PTGS1: variants seen among roughly 807,000 people sequenced by gnomAD.
PTGS1 encodes prostaglandin G/H synthase 1.
A neutral mutation model predicts 63.0 loss-of-function variants in PTGS1; 40 were observed. The observed-to-expected ratio is 0.63, with a 90% CI of 0.49 to 0.83. PTGS1 has a LOEUF of 0.83. Among genes scored for constraint, PTGS1 ranks in the 40% least tolerant of loss-of-function variants. The probability of loss-of-function intolerance (pLI) is 0.00; values close to 1 mark genes in which losing one functional copy is unlikely to be tolerated. For missense variants in PTGS1, 709 were observed against 786.5 expected (o/e 0.90, Z 1.18); for synonymous variants, 298 against 301.9 (o/e 0.99, Z 0.13).
chr9:122,375,441 G>A (rs1837077949), intron 2 of PTGS1: 1 of 985,444 alleles, frequency 1.0e-6, no homozygotes, highest in African/African-American at 1.7e-5. Flanking sequence ...TGGTCAGGCT[G>A]GAGGTGACCA....
In PTGS1 at chr9:122,371,226, C is replaced by T. The variant is rs151185638; in HGVS notation, c.48C>T (p.Leu16=). ...GGTTCTTGCTGTTCCTGCTCCTGCTCCCGCCGCTCCCCGTCCTGCTCGCGG... is the reference window on the plus strand; with the variant it reads ...GGTTCTTGCTGTTCCTGCTCCTGCTTCCGCCGCTCCCCGTCCTGCTCGCGG... The part of the protein sequence containing the change: ...LLWFLLFLLL[L]PPLPVLLADP... The change falls in exon 2 of 11, where the codon CTC becomes CTT. Residue 16 remains leucine (L), a synonymous_variant. Transcript: ENST00000362012. The T allele has an allele frequency of 7.5e-5, 120 of 1,607,672 alleles. No homozygotes were observed. Among genetic ancestry groups the T allele is most frequent in the Non-Finnish European group, 8.8e-5 (104 of 1,179,454 alleles).
chr9:122,376,344 TTGTGTGTG>T lies in PTGS1; in HGVS notation c.95-1517_95-1510del, dbSNP rs57350981. ...TTTGCATGATTCTTGTGGTCCTTGC[TTGTGTGTG>T]TGTGTGTGTGTGTGTGTGTGTGTGT... On this transcript the variant is annotated intron_variant, in intron 2 of 10. Coordinates refer to ENST00000362012, the MANE Select transcript of PTGS1 (RefSeq NM_000962.4). Among the ~76,000 whole-genome samples, 1,179 of 127,046 alleles carry T rather than the reference TTGTGTGTG, an allele frequency of 9.3e-3. 9 individuals carry two copies. The highest frequency in any genetic ancestry group is 0.029 in the African/African-American group (1,000 of 35,038). 83.3% of individuals were successfully genotyped at this position (127,046 alleles called of 152,430 possible). A position where few individuals can be genotyped will look rare whatever the true frequency, so the allele number is the denominator to read the frequency against.
In PTGS1 at chr9:122,392,477, C is replaced by T. The variant is rs267602117; in HGVS notation, c.1733C>T (p.Ser578Phe). 1.2e-6 allele frequency: 2 copies of T among 1,614,184 alleles called. No homozygotes were observed. The highest frequency in any genetic ancestry group is 1.7e-5 in the Admixed American group (1 of 60,024). ...AACACCAAGACCTGTCCCTACGTTTCCTTCCGTGTGCCGGATGCCAGTCAG... is the reference window on the plus strand; with the variant it reads ...AACACCAAGACCTGTCCCTACGTTTTCTTCCGTGTGCCGGATGCCAGTCAG... Reference protein sequence around the residue: ...CLNTKTCPYVSFRVPDASQDD... With the variant: ...CLNTKTCPYVFFRVPDASQDD... The change falls in exon 11 of 11, where the codon TCC (serine) becomes TTC (phenylalanine). Residue 578 changes from serine to phenylalanine, a missense_variant. Physicochemically the swap from Ser to Phe is radical, Grantham distance 155. Coordinates refer to ENST00000362012, the MANE Select transcript of PTGS1 (RefSeq NM_000962.4).
Position 122,378,413 on chromosome 9 carries a change from G to T in PTGS1, c.212-20G>T. 1 of 1,612,174 alleles carries T rather than the reference G, an allele frequency of 6.2e-7. No homozygotes were observed. On this transcript the variant is annotated intron_variant, in intron 3 of 10. Transcript: ENST00000362012. ...TTCTGGTAGGAGGGACCAACTGAGT[G>T]ACTGCCATTGCCCCTGCAGCTGGCC...
chr9:122,370,743 TC>T, upstream of PTGS1: 1 of 526,322 alleles, frequency 1.9e-6, no homozygotes, highest in South Asian at 3.0e-5. Flanking sequence ...GCCGCTTCCA[TC>T]CCCAGTTCTG....
chr9:122,388,297 A>C (rs1428932905), intron 9 of PTGS1, among the ~76,000 whole-genome samples: 1 of 152,004 alleles, frequency 6.6e-6, no homozygotes, highest in Non-Finnish European at 1.5e-5. Flanking sequence ...CTGCCCGCCT[A>C]GGCCTCTCAA....
At position 122,378,519 on chromosome 9, in the gene PTGS1, G is replaced by C; in HGVS notation, c.298G>C (p.Glu100Gln). The C allele has an allele frequency of 1.9e-6, 3 of 1,614,202 alleles. No individual in the cohort carries two copies. The highest frequency in any genetic ancestry group is 2.5e-6 in the Non-Finnish European group (3 of 1,180,046). Residue 100 changes from glutamate to glutamine, a missense_variant, in exon 4 of 11, where the codon GAG becomes CAG. Glu to Gln is a conservative substitution (Grantham distance 29, BLOSUM62 2). Coordinates refer to ENST00000362012, the MANE Select transcript of PTGS1 (RefSeq NM_000962.4). ...FLLTHGRWFW[E>Q]FVNATFIREM... ...GCTCACTCACGGGCGCTGGTTCTGG[G>C]AGTTTGTCAATGCCACCTTCATCCG...
intron 8 of PTGS1, among the ~76,000 whole-genome samples, chr9:122,384,155 C>T (rs548672623): frequency 2.0e-5 from 3 of 152,086 alleles, no homozygotes; most frequent in Non-Finnish European, 4.4e-5. Flanking sequence ...GTAACTTGCC[C>T]GGCCTTCAGG....
intron 2 of PTGS1, among the ~76,000 whole-genome samples, chr9:122,372,373 C>T (rs1480764836): frequency 2.6e-5 from 4 of 152,074 alleles, no homozygotes; most frequent in East Asian, 1.9e-4. Flanking sequence ...AAAGGGATTG[C>T]GTTGAATAAA....
Position 122,386,684 on chromosome 9 carries a change from T to C in PTGS1, c.1248T>C (p.Tyr416=), listed in dbSNP as rs1169774555. Residue 416 remains tyrosine, a synonymous_variant, in exon 9 of 11, where the codon TAT becomes TAC. Transcript: ENST00000362012. ...TCAACACCTCCATGTTGGTGGACTA[T>C]GGGGTTGAGGCCCTGGTGGATGCCT... The part of the protein sequence containing the change: ...FLFNTSMLVD[Y]GVEALVDAFS... The C allele has an allele frequency of 1.9e-6, 3 of 1,614,102 alleles. No homozygotes were observed. Among genetic ancestry groups the C allele is most frequent in the South Asian group, 1.1e-5 (1 of 91,090 alleles).
intron 5 of PTGS1, among the ~76,000 whole-genome samples, chr9:122,380,005 G>A (rs1837414502): frequency 6.6e-6 from 1 of 152,176 alleles, no homozygotes; most frequent in African/African-American, 2.4e-5. Context: ...ATTAAGGAAG[G>A]CCTCTCAATA....
chr9:122,378,701 C>T, intron 4 of PTGS1, 74 bp from the exon 5 acceptor site: 1 of 1,604,336 alleles, frequency 6.2e-7, no homozygotes, highest in Non-Finnish European at 8.5e-7. Context: ...AAGCCCCAAC[C>T]CAGGAGGAGG....
intron 10 of PTGS1, among the ~76,000 whole-genome samples, 168 bp from the exon 11 acceptor site, chr9:122,392,021 C>G (rs1838314647): frequency 6.6e-6 from 1 of 152,088 alleles, no homozygotes; most frequent in African/African-American, 2.4e-5. Context: ...GACCCTTTTC[C>G]CCAGTGCCAA....
chr9:122,373,909 C>T (rs12000670), intron 2 of PTGS1, among the ~76,000 whole-genome samples: 15,048 of 151,614 alleles, frequency 0.099, 2,390 homozygotes, highest in African/African-American at 0.34. Context: ...CTAAATATTA[C>T]TCTTTAGGGG....
intron 1 of PTGS1, 28 bp downstream of exon 1, chr9:122,371,119 G>C (rs1253414961): frequency 6.2e-7 from 1 of 1,605,250 alleles, no homozygotes; most frequent in Non-Finnish European, 8.5e-7. Context: ...GCCCGGTGGG[G>C]AATTTTCTTG....
upstream of PTGS1, chr9:122,370,763 C>T (rs1836750655): frequency 1.8e-6 from 1 of 567,524 alleles, no homozygotes. Context: ...TGTCCCTAAG[C>T]CCTGGGTGAC....
Position 122,377,937 on chromosome 9 carries a change from A to G in PTGS1, c.133A>G (p.Ile45Val), listed in dbSNP as rs748082558. 42 of 1,613,992 alleles carry G rather than the reference A, an allele frequency of 2.6e-5. No homozygotes were observed. Among genetic ancestry groups the G allele is most frequent in the Non-Finnish European group, 3.5e-5 (41 of 1,180,024 alleles). ...CCYYPCQHQG[I>V]CVRFGLDRYQ... Reference sequence around the variant, plus strand: ...TTACTATCCATGCCAGCACCAGGGCATCTGTGTCCGCTTCGGCCTTGACCG... The same window carrying G: ...TTACTATCCATGCCAGCACCAGGGCGTCTGTGTCCGCTTCGGCCTTGACCG... Residue 45 changes from isoleucine to valine, a missense_variant, in exon 3 of 11, where the codon ATC becomes GTC. Coordinates refer to ENST00000362012, the MANE Select transcript of PTGS1 (RefSeq NM_000962.4).
intron 8 of PTGS1, among the ~76,000 whole-genome samples, chr9:122,385,067 C>A (rs1011968966): frequency 1.3e-5 from 2 of 152,168 alleles, no homozygotes; most frequent in African/African-American, 2.4e-5. Flanking sequence ...GAGCAATTCT[C>A]GTGTCTCAGC....
chr9:122,372,087 C>G (rs991042783), intron 2 of PTGS1, among the ~76,000 whole-genome samples: 1 of 152,202 alleles, frequency 6.6e-6, no homozygotes, highest in East Asian at 1.9e-4. Flanking sequence ...TCCCCCAGCT[C>G]GCTGCTTGTG....
Sources: gnomAD v4.1 joint callset for allele counts (sites outside exome capture counted in the v4.1 genomes callset) on GRCh38, gnomAD v4.1.1 for gene constraint, MANE v1.5 for transcripts, NCBI Gene and HGNC (gene_info 2026-07-23, HGNC 2026-07-21) for gene names.